Variants in DNAI7 observed in about 807,000 individuals in gnomAD.
DNAI7 encodes the protein cancer susceptibility 1.
In DNAI7, 78 loss-of-function variants were observed where a neutral mutation model predicts 86.6. That is an observed-to-expected ratio of 0.90 (90% CI 0.75 to 1.09). The LOEUF (loss-of-function observed/expected upper bound fraction) is 1.09. Among genes scored for constraint, DNAI7 ranks in the 50% least tolerant of loss-of-function variants. The probability of loss-of-function intolerance (pLI) is 0.00; values close to 1 mark genes in which losing one functional copy is unlikely to be tolerated. For missense variants in DNAI7, 753 were observed against 810.2 expected, an observed-to-expected ratio of 0.93 and a Z score of 0.86; for synonymous variants, 274 against 273.0, an observed-to-expected ratio of 1.00 and a Z score of -0.04.
chr12:25,116,614 C>T (rs1343534958), intron 12 of DNAI7, among the ~76,000 whole-genome samples: 1 of 152,188 alleles, frequency 6.6e-6, no homozygotes, highest in Non-Finnish European at 1.5e-5. Flanking sequence ...ATTTTCCTGC[C>T]TCGGCCTCCT....
chr12:25,155,884 C>A (rs887084183), intron 4 of DNAI7, among the ~76,000 whole-genome samples: 1 of 151,960 alleles, frequency 6.6e-6, no homozygotes, highest in African/African-American at 2.4e-5. Context: ...CTGAGGCAGG[C>A]GGATCACTTG....
At chr12:25,169,122 C>G (rs865861137) in intron 2 of DNAI7, among the ~76,000 whole-genome samples, 2 of 152,056 alleles carry the variant, frequency 1.3e-5, no homozygotes, top group African/African-American at 4.8e-5. Flanking sequence ...GCCTCTGAGC[C>G]CAAGCTAAGC....
rs374663870 is a variant in DNAI7 at position 25,182,165 on chromosome 12, C to T, written c.21+8449G>A. 6.6e-5 allele frequency among the ~76,000 whole-genome samples: 10 copies of T among 150,954 alleles called. No homozygotes were observed. The East Asian group carries it at 9.8e-4, about 15-fold the overall frequency. ...GAGGTTGAGATCAGCCTGACCAACA[C>T]GGAGAAACCCCATCTCTACTAAAAA... On this transcript the variant is annotated intron_variant, in intron 2 of 15. Transcript: ENST00000395987.
chr12:25,180,092 G>C (rs1949360980), intron 2 of DNAI7, among the ~76,000 whole-genome samples: 2 of 152,192 alleles, frequency 1.3e-5, no homozygotes, highest in Admixed American at 6.5e-5. Flanking sequence ...CTTCAGTAAA[G>C]TTTCAGGATA....
In DNAI7 at chr12:25,111,952, A is replaced by G. The variant is rs779032096; in HGVS notation, c.1612-13T>C. The G allele has an allele frequency of 6.5e-7, 1 of 1,537,464 alleles. No individual in the cohort carries two copies. On this transcript the variant is annotated splice_polypyrimidine_tract_variant and intron_variant, in intron 13 of 15. Coordinates refer to ENST00000395987, the MANE Select transcript of DNAI7 (RefSeq NM_018272.5). ...TGCAGAGGTTTTCCTAGTTTAAATA[A>G]GAAAAAAGAAGCTTTTATGTAAGTT... is the stretch of plus-strand genomic sequence containing the variant.
intron 2 of DNAI7, among the ~76,000 whole-genome samples, chr12:25,161,984 A>G (rs1016939928): frequency 6.6e-6 from 1 of 152,260 alleles, no homozygotes; most frequent in African/African-American, 2.4e-5. Flanking sequence ...AGAAAAAAAC[A>G]TAAAGAGGAT....
intron 13 of DNAI7, among the ~76,000 whole-genome samples, chr12:25,112,399 GTTTTTTTT>G (rs10602859): frequency 9.6e-6 from 1 of 104,298 alleles, no homozygotes; most frequent in Non-Finnish European, 1.8e-5. Context: ...TTCACATCTG[GTTTTTTTT>G]TTTTTTTTTT....
chr12:25,141,922 G>A (rs1944244706), intron 9 of DNAI7, among the ~76,000 whole-genome samples: 1 of 152,182 alleles, frequency 6.6e-6, no homozygotes, highest in Non-Finnish European at 1.5e-5. Context: ...TTACACTGAT[G>A]GTGGGAATGT....
chr12:25,166,686 G>C lies in DNAI7; in HGVS notation c.22-5489C>G, dbSNP rs1001045959. ...ACAACTCCTTTCCTTCCTAGGCATG[G>C]TTAGTGTGGTCAGAATTCTTACACA... is the stretch of plus-strand genomic sequence containing the variant. On this transcript the variant is annotated intron_variant, in intron 2 of 15. Transcript: ENST00000395987. Among the ~76,000 whole-genome samples, 8 of 152,014 alleles carry C rather than the reference G, an allele frequency of 5.3e-5. No individual in the cohort carries two copies. The South Asian group carries it at 1.5e-3, about 28-fold the overall frequency.
chr12:25,168,555 T>C lies in DNAI7; in HGVS notation c.22-7358A>G, dbSNP rs572337136. On this transcript the variant is annotated intron_variant, in intron 2 of 15. Coordinates refer to ENST00000395987, the MANE Select transcript of DNAI7 (RefSeq NM_018272.5). ...TCCAGGCCCAAGTTGACTCTTTAGC[T>C]GCAGTTGTCCTCCAAAACCGCCGAG... Among the ~76,000 whole-genome samples the C allele has an allele frequency of 1.2e-3, 186 of 152,298 alleles. 1 individual carries two copies. Among genetic ancestry groups the C allele is most frequent in the African/African-American group, 4.2e-3 (174 of 41,562 alleles).
At chr12:25,156,752 G>GA (rs1161270126) in intron 4 of DNAI7, among the ~76,000 whole-genome samples, 1 of 151,450 alleles carries the variant, frequency 6.6e-6, no homozygotes, top group Non-Finnish European at 1.5e-5. Context: ...AAAAAAAAAT[G>GA]AAAAAATCTT....
intron 9 of DNAI7, among the ~76,000 whole-genome samples, chr12:25,126,956 C>T (rs368394650): frequency 6.6e-6 from 1 of 152,146 alleles, no homozygotes. Flanking sequence ...TTGATAAACA[C>T]GAGTACTTCA....
At chr12:25,158,399 G>A (rs12367971) in intron 4 of DNAI7, 73 bp downstream of exon 4, 233,995 of 1,195,794 alleles carry the variant, frequency 0.2, 23,493 homozygotes, top group Middle Eastern at 0.23. Context: ...GGGCTGAGAA[G>A]GACATTAAAT....
intron 1 of DNAI7, 87 bp from the exon 2 acceptor site, chr12:25,190,718 G>A: frequency 1.4e-6 from 1 of 703,286 alleles, no homozygotes; most frequent in South Asian, 3.0e-5. Flanking sequence ...GTTAAAATTA[G>A]AAGAAGCTTG....
chr12:25,142,930 T>C (rs932994835), intron 9 of DNAI7, among the ~76,000 whole-genome samples: 7 of 152,210 alleles, frequency 4.6e-5, no homozygotes, highest in Admixed American at 3.9e-4. Context: ...TCCTTCCATA[T>C]TCCAGGAAAG....
At chr12:25,128,733 A>T (rs1942475041) in intron 9 of DNAI7, among the ~76,000 whole-genome samples, 1 of 152,154 alleles carries the variant, frequency 6.6e-6, no homozygotes, top group Non-Finnish European at 1.5e-5. Context: ...TCTCCCAAAC[A>T]TATTCATCTT....
chr12:25,130,129 T>A (rs545347772), intron 9 of DNAI7, among the ~76,000 whole-genome samples: 122 of 152,224 alleles, frequency 8.0e-4, no homozygotes, highest in Non-Finnish European at 1.5e-3. Flanking sequence ...TGGTAACTGT[T>A]ACTCTTCTAA....
At chr12:25,165,172 G>A (rs1171186841) in intron 2 of DNAI7, among the ~76,000 whole-genome samples, 3 of 151,956 alleles carry the variant, frequency 2.0e-5, no homozygotes, top group African/African-American at 4.8e-5. Flanking sequence ...AATCCGCTCC[G>A]GACATTAAAT....
chr12:25,118,993 T>A, intron 12 of DNAI7, 152 bp downstream of exon 12: 1 of 596,466 alleles, frequency 1.7e-6, no homozygotes, highest in East Asian at 3.0e-5. Context: ...CAACACTTAT[T>A]CATTTCCATT....
Sources: gnomAD v4.1 joint callset for allele counts (sites outside exome capture counted in the v4.1 genomes callset) on GRCh38, gnomAD v4.1.1 for gene constraint, MANE v1.5 for transcripts, NCBI Gene and HGNC (gene_info 2026-07-23, HGNC 2026-07-21) for gene names.